The following TRPM3 variants were observed in gnomAD, a reference collection of about 807,000 sequenced individuals.
The protein encoded by TRPM3 is transient receptor potential cation channel subfamily M member 3, also known as long transient receptor potential channel 3.
In TRPM3, 77 loss-of-function variants were observed where a neutral mutation model predicts 181.2. That is an observed-to-expected ratio of 0.42 (90% CI 0.35 to 0.51). TRPM3 has a LOEUF of 0.51. Ranked by LOEUF, TRPM3 falls within the 20% of genes least tolerant of loss-of-function variation. The pLI, the probability that TRPM3 is intolerant of heterozygous loss-of-function variation, is 0.01. For synonymous variants in TRPM3, 745 were observed against 796.4 expected (o/e 0.94, Z 1.09); for missense variants, 1,759 against 2,196.7 (o/e 0.80, Z 3.98).
At chr9:70,547,917 A>T (rs995604615) in intron 25 of TRPM3, among the ~76,000 whole-genome samples, 2 of 152,216 alleles carry the variant, frequency 1.3e-5, no homozygotes, top group African/African-American at 4.8e-5. Flanking sequence ...TTCTTTTCAG[A>T]AAGAATTAGT....
chr9:70,604,797 C>T (rs1325085785), intron 19 of TRPM3, among the ~76,000 whole-genome samples: 3 of 151,270 alleles, frequency 2.0e-5, no homozygotes, highest in East Asian at 3.9e-4. Flanking sequence ...CAGGCACGTG[C>T]CACCACACCC....
At chr9:70,968,184 G>A (rs2097204445) in intron 1 of TRPM3, among the ~76,000 whole-genome samples, 1 of 151,970 alleles carries the variant, frequency 6.6e-6, no homozygotes, top group Non-Finnish European at 1.5e-5. Flanking sequence ...AACCCTCATT[G>A]AGCCATATAA....
chr9:71,177,796 T>C (rs1274961016), intron 1 of TRPM3, among the ~76,000 whole-genome samples: 2 of 152,122 alleles, frequency 1.3e-5, no homozygotes, highest in Non-Finnish European at 2.9e-5. Flanking sequence ...GCTTGGTTTT[T>C]AGTCTCTTGG....
rs139997368 is a variant in TRPM3, at chr9:71,253,138, T to G, written c.183+193515A>C. 5.8e-4 allele frequency among the ~76,000 whole-genome samples: 88 copies of G among 152,308 alleles called. 1 individual carries two copies. In the East Asian group the frequency reaches 0.016, roughly 28 times the overall value. ...TTGTTCCATGTGTCTGTCTTTCTTA[T>G]TGAAATGTAAGTCAGTGAGGGCAAT... On this transcript the variant is annotated intron_variant, in intron 1 of 24. Coordinates refer to the TRPM3 transcript ENST00000357533.
rs375484006 is a variant in TRPM3, at chr9:70,610,828, G to C, written c.2527-79C>G. 5.8e-5 allele frequency: 90 copies of C among 1,541,222 alleles called. No individual in the cohort carries two copies. The East Asian group carries it at 7.2e-4, about 12-fold the overall frequency. On this transcript the variant is annotated intron_variant, in intron 18 of 25. Transcript: ENST00000677713. ...TTCAATGTGCTTACTTTACAGATGAGGAAAGGATGCTCATAGAACCTAAGA... is the reference window on the plus strand; with the variant it reads ...TTCAATGTGCTTACTTTACAGATGACGAAAGGATGCTCATAGAACCTAAGA...
chr9:71,162,694 T>C (rs2076339218), intron 1 of TRPM3, among the ~76,000 whole-genome samples: 1 of 152,222 alleles, frequency 6.6e-6, no homozygotes, highest in Non-Finnish European at 1.5e-5. Context: ...TTCATTTATA[T>C]ATTAATCATT....
At chr9:70,690,039 G>T (rs2068056689) in intron 8 of TRPM3, among the ~76,000 whole-genome samples, 1 of 152,056 alleles carries the variant, frequency 6.6e-6, no homozygotes, top group African/African-American at 2.4e-5. Context: ...GCCACGGTGA[G>T]CAATGAATCC....
chr9:70,695,420 G>A (rs1208201548), intron 8 of TRPM3, among the ~76,000 whole-genome samples: 1 of 152,158 alleles, frequency 6.6e-6, no homozygotes, highest in East Asian at 1.9e-4. Flanking sequence ...TTCCATTGCT[G>A]TCCCTGGCGT....
chr9:71,359,133 A>G (rs1187349119), intron 1 of TRPM3, among the ~76,000 whole-genome samples: 1 of 152,238 alleles, frequency 6.6e-6, no homozygotes, highest in Non-Finnish European at 1.5e-5. Context: ...TATACTACCC[A>G]AAGAGTGACA....
chr9:71,200,029 T>C (rs2078674246), intron 1 of TRPM3, among the ~76,000 whole-genome samples: 1 of 152,220 alleles, frequency 6.6e-6, no homozygotes, highest in African/African-American at 2.4e-5. Context: ...AATTTCCCTC[T>C]ACACACTGCT....
intron 1 of TRPM3, among the ~76,000 whole-genome samples, chr9:71,226,071 GT>G (rs369751875): frequency 3.6e-4 from 44 of 122,070 alleles, no homozygotes; most frequent in South Asian, 3.3e-3. Context: ...AGAGTTTTTA[GT>G]TTTTTTTTGT....
At chr9:71,346,473 G>T (rs1011534796) in intron 1 of TRPM3, among the ~76,000 whole-genome samples, 4 of 152,166 alleles carry the variant, frequency 2.6e-5, no homozygotes, top group African/African-American at 9.7e-5. Context: ...TCATTAAATT[G>T]CATTAGCTTT....
intron 1 of TRPM3, among the ~76,000 whole-genome samples, chr9:71,243,247 G>A (rs1311206213): frequency 2.0e-5 from 3 of 152,140 alleles, no homozygotes; most frequent in Non-Finnish European, 4.4e-5. Context: ...TCACCATGTT[G>A]GCCAGGCTGG....
At chr9:70,999,075 T>C (rs1263238039) in intron 1 of TRPM3, among the ~76,000 whole-genome samples, 2 of 152,200 alleles carry the variant, frequency 1.3e-5, no homozygotes, top group Non-Finnish European at 2.9e-5. Flanking sequence ...TACCTCAAGA[T>C]GAGTTTCTCA....
At chr9:71,327,642 T>C (rs1229248783) in intron 1 of TRPM3, among the ~76,000 whole-genome samples, 1 of 152,224 alleles carries the variant, frequency 6.6e-6, no homozygotes, top group Admixed American at 6.5e-5. Context: ...TAACATAGTC[T>C]GGTTTTTAAT....
At chr9:71,306,333 T>G (rs961885822) in intron 1 of TRPM3, among the ~76,000 whole-genome samples, 2 of 152,124 alleles carry the variant, frequency 1.3e-5, no homozygotes, top group African/African-American at 4.8e-5. Flanking sequence ...AAGTTTCCAT[T>G]TGTGACTGGG....
intron 1 of TRPM3, among the ~76,000 whole-genome samples, chr9:71,041,115 T>C (rs2058762559): frequency 6.6e-6 from 1 of 152,202 alleles, no homozygotes; most frequent in Non-Finnish European, 1.5e-5. Context: ...AAAGAGAATA[T>C]CCTTGCTTTG....
At position 71,008,471 on chromosome 9, in the gene TRPM3, T is replaced by C. The variant is rs545415548; in HGVS notation, c.177+112707A>G. Among the ~76,000 whole-genome samples the C allele has an allele frequency of 1.7e-4, 26 of 152,256 alleles. No individual in the cohort carries two copies. The East Asian group carries it at 3.9e-3, about 23-fold the overall frequency. Reference sequence around the variant, plus strand: ...AGGACACAACAAAACCATAAAACTTTAGGCCAATATCCCAGATGAACATAG... The same window carrying C: ...AGGACACAACAAAACCATAAAACTTCAGGCCAATATCCCAGATGAACATAG... On this transcript the variant is annotated intron_variant, in intron 1 of 25. Transcript: ENST00000677713.
intron 1 of TRPM3, among the ~76,000 whole-genome samples, chr9:71,384,100 T>C (rs2092871533): frequency 6.6e-6 from 1 of 152,218 alleles, no homozygotes; most frequent in African/African-American, 2.4e-5. Context: ...TATTAATATA[T>C]CATATATTCT....
Sources: gnomAD v4.1 joint callset for allele counts (sites outside exome capture counted in the v4.1 genomes callset) on GRCh38, gnomAD v4.1.1 for gene constraint, MANE v1.5 for transcripts, NCBI Gene and HGNC (gene_info 2026-07-23, HGNC 2026-07-21) for gene names.